Variants in CORIN observed in about 807,000 individuals in gnomAD.
CORIN encodes the protein atrial natriuretic peptide-converting enzyme.
A neutral mutation model predicts 125.3 loss-of-function variants in CORIN; 117 were observed. That is an observed-to-expected ratio of 0.93 (90% CI 0.80 to 1.09). The LOEUF (loss-of-function observed/expected upper bound fraction) is 1.09, where lower values mean the gene tolerates loss of function less well. CORIN is among the 50% of genes least tolerant of loss of function. The probability of loss-of-function intolerance (pLI) is 0.00; values close to 1 mark genes in which losing one functional copy is unlikely to be tolerated. For missense variants in CORIN, 1,253 were observed against 1,306.7 expected, an observed-to-expected ratio of 0.96 and a Z score of 0.63; for synonymous variants, 450 against 466.4, an observed-to-expected ratio of 0.96 and a Z score of 0.45.
chr4:47,607,263 C>T (rs905256526), intron 19 of CORIN, among the ~76,000 whole-genome samples: 4 of 152,042 alleles, frequency 2.6e-5, no homozygotes, highest in African/African-American at 9.7e-5. Flanking sequence ...AAAAAATTAG[C>T]CCGGCATGGT....
At chr4:47,597,364 A>T (rs1721294320) in intron 21 of CORIN, among the ~76,000 whole-genome samples, 1 of 151,686 alleles carries the variant, frequency 6.6e-6, no homozygotes, top group Non-Finnish European at 1.5e-5. Flanking sequence ...AAAAAAAAAA[A>T]AAAGAAGAAG....
intron 6 of CORIN, among the ~76,000 whole-genome samples, chr4:47,689,268 A>G (rs1725662069): frequency 6.6e-6 from 1 of 152,176 alleles, no homozygotes; most frequent in Non-Finnish European, 1.5e-5. Flanking sequence ...TATGCTTTAT[A>G]TTCAGTGAAT....
At chr4:47,654,179 A>G (rs1264813619) in intron 12 of CORIN, among the ~76,000 whole-genome samples, 1 of 152,236 alleles carries the variant, frequency 6.6e-6, no homozygotes, top group African/African-American at 2.4e-5. Context: ...AGTAAAGTAC[A>G]GTTTAAAAAA....
chr4:47,725,818 G>C (rs950756339), intron 5 of CORIN, among the ~76,000 whole-genome samples: 1 of 152,026 alleles, frequency 6.6e-6, no homozygotes, highest in African/African-American at 2.4e-5. Context: ...GGTACAGAGA[G>C]TGGGAAAATA....
intron 5 of CORIN, among the ~76,000 whole-genome samples, chr4:47,732,397 T>C (rs375680628): frequency 6.6e-6 from 1 of 152,132 alleles, no homozygotes; most frequent in Admixed American, 6.5e-5. Context: ...ATTGTCCTTA[T>C]GGGCTGTAAC....
chr4:47,663,173 G>A (rs529620443), intron 11 of CORIN, among the ~76,000 whole-genome samples: 4 of 152,166 alleles, frequency 2.6e-5, no homozygotes, highest in South Asian at 2.1e-4. Context: ...TCCAGGGGGC[G>A]CTGTTCTTAT....
intron 5 of CORIN, among the ~76,000 whole-genome samples, chr4:47,700,636 G>C (rs1726242590): frequency 6.6e-6 from 1 of 152,192 alleles, no homozygotes; most frequent in Non-Finnish European, 1.5e-5. Context: ...GTGAGTGCTA[G>C]ACAGAACGCG....
chr4:47,744,666 C>G (rs1199873524), intron 4 of CORIN, 83 bp from the exon 5 acceptor site: 1 of 1,305,850 alleles, frequency 7.7e-7, no homozygotes, highest in Admixed American at 2.4e-5. Context: ...AAGTTAGCCC[C>G]TGTGTTGTGA....
rs556361148 is a variant in CORIN, at chr4:47,776,496, A to G, written c.409+10229T>C. On this transcript the variant is annotated intron_variant, in intron 3 of 21. Transcript: ENST00000273857. ...AAATTTCTCATTAACTTTAAAGGACATATTATATGGTAACATAGTTACTGT... is the reference window on the plus strand; with the variant it reads ...AAATTTCTCATTAACTTTAAAGGACGTATTATATGGTAACATAGTTACTGT... 3.9e-5 allele frequency among the ~76,000 whole-genome samples: 6 copies of G among 152,330 alleles called. No homozygotes were observed. The South Asian group carries it at 1.2e-3, about 32-fold the overall frequency.
At chr4:47,707,085 G>T (rs1726605127) in intron 5 of CORIN, 1 of 1,421,450 alleles carries the variant, frequency 7.0e-7, no homozygotes, top group South Asian at 1.6e-5. Context: ...GTCTGCAGAT[G>T]TTTCTTGAAT....
At chr4:47,718,996 G>A (rs1727230437) in intron 5 of CORIN, among the ~76,000 whole-genome samples, 1 of 151,982 alleles carries the variant, frequency 6.6e-6, no homozygotes, top group African/African-American at 2.4e-5. Context: ...CCCCCTCCAT[G>A]AGCTCATTCA....
chr4:47,721,935 C>T (rs1727366746), intron 5 of CORIN, among the ~76,000 whole-genome samples: 2 of 152,224 alleles, frequency 1.3e-5, no homozygotes, highest in African/African-American at 4.8e-5. Flanking sequence ...CAGAGTGCAG[C>T]ATGGCTTAAA....
At position 47,658,769 on chromosome 4, in the gene CORIN, CA is replaced by C. The variant is rs1724110338; in HGVS notation, c.1735+2941del. Among the ~76,000 whole-genome samples the C allele has an allele frequency of 5.9e-5, 9 of 152,356 alleles. No homozygotes were observed. In the South Asian group the frequency reaches 1.7e-3, roughly 28 times the overall value. On this transcript the variant is annotated intron_variant, in intron 12 of 21. Coordinates refer to ENST00000273857, the MANE Select transcript of CORIN (RefSeq NM_006587.4). ...AGCTCTTTGCTCCCTTTTGGTTATA[CA>C]AATTTCTCCAGCAATTCAGCCTGCT...
chr4:47,813,730 TTAAA>T (rs1732151292), intron 1 of CORIN, among the ~76,000 whole-genome samples: 1 of 152,242 alleles, frequency 6.6e-6, no homozygotes, highest in Non-Finnish European at 1.5e-5. Context: ...CAAAATGTTC[TTAAA>T]TAAACTATGT....
intron 1 of CORIN, among the ~76,000 whole-genome samples, chr4:47,817,052 G>A (rs1367580015): frequency 6.6e-6 from 1 of 152,016 alleles, no homozygotes; most frequent in Admixed American, 6.6e-5. Context: ...CCTTCCTATA[G>A]GCATTAATAA....
intron 8 of CORIN, 78 bp downstream of exon 8, chr4:47,680,063 A>AGT (rs1725197527): frequency 1.2e-6 from 1 of 858,742 alleles, no homozygotes; most frequent in East Asian, 2.6e-5. Flanking sequence ...AGTCTTAAGT[A>AGT]CAGTCCTCAA....
chr4:47,616,472 G>T (rs780831644), intron 19 of CORIN, among the ~76,000 whole-genome samples: 8 of 152,214 alleles, frequency 5.3e-5, no homozygotes, highest in Non-Finnish European at 1.2e-4. Context: ...AAGAGAAAAA[G>T]AGTTAGTCTC....
chr4:47,799,670 C>T (rs73137907), intron 2 of CORIN, among the ~76,000 whole-genome samples: 88 of 152,172 alleles, frequency 5.8e-4, no homozygotes, highest in African/African-American at 2.0e-3. Context: ...GGAAAACCCC[C>T]ACTTCCTAAA....
At chr4:47,642,099 A>T in intron 15 of CORIN, 50 bp from the exon 16 acceptor site, 1 of 1,583,576 alleles carries the variant, frequency 6.3e-7, no homozygotes, top group South Asian at 1.1e-5. Flanking sequence ...ATTTCTTCCC[A>T]TGAAAGCACA....
Sources: gnomAD v4.1 joint callset for allele counts (sites outside exome capture counted in the v4.1 genomes callset) on GRCh38, gnomAD v4.1.1 for gene constraint, MANE v1.5 for transcripts, NCBI Gene and HGNC (gene_info 2026-07-23, HGNC 2026-07-21) for gene names.